The following SDK1 variants were observed in gnomAD, a reference collection of about 807,000 sequenced individuals.
SDK1 encodes the protein sidekick cell adhesion molecule 1, also known as protein sidekick-1.
A neutral mutation model predicts 245.5 loss-of-function variants in SDK1; 157 were observed. The ratio of observed to expected loss-of-function variants is 0.64; its 90% CI spans 0.56 to 0.73. The LOEUF is 0.73. SDK1 is among the 30% of genes least tolerant of loss of function. SDK1 has a pLI of 0.00. For missense variants in SDK1, 3,583 were observed against 3,002.3 expected, an observed-to-expected ratio of 1.19 and a Z score of -4.52; for synonymous variants, 1,647 against 1,278.5, an observed-to-expected ratio of 1.29 and a Z score of -6.15.
At chr7:3,609,669 G>C (rs1453094300) in intron 1 of SDK1, among the ~76,000 whole-genome samples, 2 of 151,748 alleles carry the variant, frequency 1.3e-5, no homozygotes, top group East Asian at 3.9e-4. Flanking sequence ...CAAAGTGCTG[G>C]GATTATAGGC....
At chr7:3,566,206 G>A (rs1357857950) in intron 1 of SDK1, among the ~76,000 whole-genome samples, 2 of 150,300 alleles carry the variant, frequency 1.3e-5, no homozygotes, top group African/African-American at 4.9e-5. Flanking sequence ...ATGTTTTTGG[G>A]AACTTGATAA....
intron 17 of SDK1, among the ~76,000 whole-genome samples, chr7:4,040,754 T>C (rs898712092): frequency 2.0e-5 from 3 of 152,250 alleles, no homozygotes; most frequent in Admixed American, 6.5e-5. Flanking sequence ...CCCTAATCTT[T>C]TATTATGCGG....
At chr7:3,754,732 A>G (rs898663897) in intron 4 of SDK1, among the ~76,000 whole-genome samples, 1 of 152,206 alleles carries the variant, frequency 6.6e-6, no homozygotes, top group Non-Finnish European at 1.5e-5. Flanking sequence ...ATAGGCTGTG[A>G]ATAATTCAGA....
intron 4 of SDK1, among the ~76,000 whole-genome samples, chr7:3,651,868 A>C (rs1583272861): frequency 6.6e-6 from 1 of 152,184 alleles, no homozygotes; most frequent in Admixed American, 6.5e-5. Flanking sequence ...TTCGAACGCC[A>C]AGGGATGGAA....
chr7:3,568,588 A>C (rs1160978580), intron 1 of SDK1, among the ~76,000 whole-genome samples: 1 of 152,216 alleles, frequency 6.6e-6, no homozygotes, highest in Non-Finnish European at 1.5e-5. Context: ...AATGTCTCCA[A>C]GGTTATTGAT....
chr7:3,987,124 G>C, intron 13 of SDK1, 62 bp from the exon 14 acceptor site: 1 of 1,577,318 alleles, frequency 6.3e-7, no homozygotes, highest in African/African-American at 1.4e-5. Flanking sequence ...TAAGAGCTCA[G>C]GCTCACCATG....
intron 4 of SDK1, among the ~76,000 whole-genome samples, chr7:3,792,298 A>G (rs1781122477): frequency 6.6e-6 from 1 of 151,700 alleles, no homozygotes; most frequent in African/African-American, 2.4e-5. Flanking sequence ...TCACCCCTTC[A>G]CCACAGACTC....
intron 4 of SDK1, among the ~76,000 whole-genome samples, chr7:3,747,695 T>TGG (rs1779664769): frequency 7.2e-6 from 1 of 138,436 alleles, no homozygotes; most frequent in Non-Finnish European, 1.5e-5. Flanking sequence ...TAACTTAGCC[T>TGG]GGGGTGTGTG....
intron 44 of SDK1, among the ~76,000 whole-genome samples, chr7:4,252,077 G>T (rs530864672): frequency 1.3e-5 from 2 of 151,642 alleles, no homozygotes; most frequent in African/African-American, 4.8e-5. Context: ...TTTATTATAC[G>T]TTAAGTTTTA....
chr7:3,499,673 T>TGTTGCCACTGCAGG (rs1296350981), intron 1 of SDK1, among the ~76,000 whole-genome samples: 2 of 152,238 alleles, frequency 1.3e-5, no homozygotes, highest in Non-Finnish European at 2.9e-5. Flanking sequence ...GGCACGGCAG[T>TGTTGCCACTGCAGG]GTTGCCACTG....
intron 13 of SDK1, 197 bp downstream of exon 13, chr7:3,974,742 G>A (rs959546129): frequency 2.4e-5 from 13 of 533,780 alleles, no homozygotes; most frequent in East Asian, 1.5e-4. Context: ...GAATTGAGAA[G>A]TTTCGTTTTT....
At chr7:3,569,585 G>T (rs1455539176) in intron 1 of SDK1, among the ~76,000 whole-genome samples, 1 of 152,214 alleles carries the variant, frequency 6.6e-6, no homozygotes, top group East Asian at 1.9e-4. Flanking sequence ...TTCATCATTG[G>T]TGTCTGCTTT....
chr7:3,659,313 C>G (rs901660617), intron 4 of SDK1, among the ~76,000 whole-genome samples: 14 of 152,076 alleles, frequency 9.2e-5, no homozygotes, highest in African/African-American at 3.4e-4. Flanking sequence ...CTCAGAATTT[C>G]CAGCCTGGTA....
intron 1 of SDK1, among the ~76,000 whole-genome samples, chr7:3,572,083 C>G (rs1562571444): frequency 6.6e-6 from 1 of 152,054 alleles, no homozygotes; most frequent in African/African-American, 2.4e-5. Context: ...TAAAATAAGA[C>G]TTTTACATCA....
At chr7:3,824,526 T>A (rs1032472396) in intron 5 of SDK1, among the ~76,000 whole-genome samples, 5 of 152,308 alleles carry the variant, frequency 3.3e-5, no homozygotes, top group Non-Finnish European at 7.4e-5. Context: ...TCTTGTTTGC[T>A]GTTGTGGTAA....
At chr7:4,178,711 C>G (rs893935197) in intron 35 of SDK1, 125 bp downstream of exon 35, 2 of 677,266 alleles carry the variant, frequency 3.0e-6, no homozygotes, top group African/African-American at 3.6e-5. Flanking sequence ...ACATTGCTGT[C>G]GGGGCTGAGG....
At chr7:4,201,671 C>G in intron 35 of SDK1, among the ~76,000 whole-genome samples, 1 of 152,138 alleles carries the variant, frequency 6.6e-6, no homozygotes, top group South Asian at 2.1e-4. Context: ...ACAGGAGGCG[C>G]CTGGCGTGGC....
chr7:3,501,582 T>A (rs565190965), intron 1 of SDK1, among the ~76,000 whole-genome samples: 2 of 152,304 alleles, frequency 1.3e-5, no homozygotes, highest in South Asian at 4.1e-4. Flanking sequence ...TCTAAGTAGA[T>A]GAAGTATTAA....
rs1223580274 is a variant in SDK1, at chr7:4,011,026, G to A, written c.2192G>A (p.Ser731Asn). 1 of 1,614,238 alleles carries A rather than the reference G, an allele frequency of 6.2e-7. No individual in the cohort carries two copies. Among genetic ancestry groups the A allele is most frequent in the East Asian group, 2.2e-5 (1 of 44,880 alleles). Residue 731 changes from serine (S) to asparagine (N), a missense_variant, in exon 15 of 45, where the codon AGT (serine) becomes AAT (asparagine). Coordinates refer to ENST00000404826, the MANE Select transcript of SDK1 (RefSeq NM_152744.4). ...VGPEMTGVTVSGLTPARTYQF... is the reference protein window; with the variant it reads ...VGPEMTGVTVNGLTPARTYQF... ...CCTGAGATGACAGGCGTCACCGTGA[G>A]TGGCCTGACTCCGGCTCGTACCTAT... is the stretch of plus-strand genomic sequence containing the variant.
Sources: allele counts gnomAD v4.1 joint callset (sites outside exome capture counted in the v4.1 genomes callset), GRCh38; gene constraint gnomAD v4.1.1; transcripts MANE v1.5; gene names NCBI Gene and HGNC (gene_info 2026-07-23, HGNC 2026-07-21).